Variants in DOK7 observed in about 807,000 individuals in gnomAD.
DOK7 encodes the protein docking protein 7.
Under a neutral mutation model 30.7 loss-of-function variants are expected in DOK7, and 32 were observed. That is an observed-to-expected ratio of 1.04 (90% CI 0.79 to 1.40). The LOEUF (loss-of-function observed/expected upper bound fraction) is 1.40. DOK7 is among the 40% of genes most tolerant of loss of function. The probability of loss-of-function intolerance (pLI) is 0.00; values close to 1 mark genes in which losing one functional copy is unlikely to be tolerated. For missense variants in DOK7, 1,007 were observed against 699.2 expected, an observed-to-expected ratio of 1.44 and a Z score of -4.97; for synonymous variants, 447 against 324.1, an observed-to-expected ratio of 1.38 and a Z score of -4.07.
Position 3,493,189 on chromosome 4 carries a change from G to A in DOK7, c.1203G>A (p.Leu401=). The A allele has an allele frequency of 6.2e-7, 1 of 1,610,776 alleles. No homozygotes were observed. The highest frequency in any genetic ancestry group is 8.5e-7 in the Non-Finnish European group (1 of 1,179,284). The change falls in exon 7 of 7, where the codon CTG becomes CTA. Residue 401 remains leucine, a synonymous_variant. Coordinates refer to ENST00000340083, the MANE Select transcript of DOK7 (RefSeq NM_173660.5). ...GTVEYQVPTS[L]RAHYDTPRSL... Reference sequence around the variant, plus strand: ...TCGAGTACCAGGTGCCCACCTCCCTGCGGGCCCACTATGACACACCACGCA... The same window carrying A: ...TCGAGTACCAGGTGCCCACCTCCCTACGGGCCCACTATGACACACCACGCA...
chr4:3,474,191 G>A (rs1413411476), intron 3 of DOK7, among the ~76,000 whole-genome samples: 1 of 152,196 alleles, frequency 6.6e-6, no homozygotes, highest in Non-Finnish European at 1.5e-5. Context: ...GGGGCTGTGA[G>A]CAGAGGTGGG....
At chr4:3,473,361 G>T in intron 2 of DOK7, 45 bp from the exon 3 acceptor site, 2 of 1,595,014 alleles carry the variant, frequency 1.3e-6, no homozygotes, top group Non-Finnish European at 1.7e-6. Flanking sequence ...AAGGGTGCGG[G>T]CAGGCGGTGT....
Position 3,493,787 on chromosome 4 carries a change from C to G in DOK7, c.*286C>G, listed in dbSNP as rs1043344313. 63 of 1,364,974 alleles carry G rather than the reference C, an allele frequency of 4.6e-5. 1 individual carries two copies. Among genetic ancestry groups the G allele is most frequent in the Non-Finnish European group, 5.8e-5 (61 of 1,060,080 alleles). 84.6% of individuals were successfully genotyped at this position (1,364,974 alleles called of 1,614,324 possible). The stretch of plus-strand genomic sequence containing the variant: ...CTCCGTGTCCCCCACCCCTGAGGAT[C>G]AGGTGAGTGCTGCACCTCTGTTGGC... On this transcript the variant is annotated 3_prime_UTR_variant, in exon 7 of 7. Coordinates refer to ENST00000340083, the MANE Select transcript of DOK7 (RefSeq NM_173660.5).
chr4:3,489,466 A>T (rs1728030323), intron 5 of DOK7, among the ~76,000 whole-genome samples: 1 of 152,158 alleles, frequency 6.6e-6, no homozygotes, highest in Non-Finnish European at 1.5e-5. Flanking sequence ...ACAGGGACCC[A>T]GCTGGGCGCA....
chr4:3,465,363 C>T (rs1303485145), intron 2 of DOK7, among the ~76,000 whole-genome samples: 2 of 152,214 alleles, frequency 1.3e-5, no homozygotes, highest in Non-Finnish European at 2.9e-5. Context: ...TGCCTTCCCG[C>T]TCAGCGCTGG....
At chr4:3,477,242 C>A (rs1208080454) in intron 4 of DOK7, among the ~76,000 whole-genome samples, 1 of 152,268 alleles carries the variant, frequency 6.6e-6, no homozygotes, top group South Asian at 2.1e-4. Context: ...ACCTGCAGTC[C>A]CCGCGGAGGG....
chr4:3,492,384 C>G lies in DOK7; in HGVS notation c.773-375C>G, dbSNP rs535895740. Among the ~76,000 whole-genome samples the G allele has an allele frequency of 7.9e-5, 12 of 151,858 alleles. No homozygotes were observed. The East Asian group carries it at 2.3e-3, about 30-fold the overall frequency. On this transcript the variant is annotated intron_variant, in intron 6 of 6. Coordinates refer to ENST00000340083, the MANE Select transcript of DOK7 (RefSeq NM_173660.5). ...CGTGATGGTGCGGAGGGCAAGCTGC[C>G]CCAGGTGGCCCTGGAAGGTAGTCGG...
chr4:3,468,329 AGTGT>A (rs144576590), intron 2 of DOK7, among the ~76,000 whole-genome samples: 9 of 146,346 alleles, frequency 6.1e-5, no homozygotes, highest in African/African-American at 2.2e-4. Flanking sequence ...TGTGTGTGCG[AGTGT>A]GTGTGAGCTC....
chr4:3,484,851 G>C, intron 4 of DOK7: 2 of 985,482 alleles, frequency 2.0e-6, no homozygotes, highest in Non-Finnish European at 2.4e-6. Flanking sequence ...CAGGTGCCGT[G>C]CCACACCTTT....
At chr4:3,491,415 T>TTCCTGCTCACCCCAGC (rs1560229531) in intron 6 of DOK7, among the ~76,000 whole-genome samples, 1 of 144,018 alleles carries the variant, frequency 6.9e-6, no homozygotes. Flanking sequence ...AGCTTCCTTC[T>TTCCTGCTCACCCCAGC]TTCCTTCTTC....
intron 2 of DOK7, 107 bp downstream of exon 2, chr4:3,463,658 G>C (rs953463337): frequency 1.4e-6 from 2 of 1,403,778 alleles, no homozygotes; most frequent in African/African-American, 2.9e-5. Context: ...CTGTCACCCC[G>C]CCGGGAAACC....
At chr4:3,473,761 G>T in intron 3 of DOK7, 125 bp downstream of exon 3, 1 of 919,328 alleles carries the variant, frequency 1.1e-6, no homozygotes, top group East Asian at 2.7e-5. Context: ...GGACATTCAT[G>T]GGTGCCTTAG....
chr4:3,492,147 G>GGGCCT (rs111364274), intron 6 of DOK7, among the ~76,000 whole-genome samples: 1 of 152,202 alleles, frequency 6.6e-6, no homozygotes, highest in Non-Finnish European at 1.5e-5. Context: ...AGCACGGGAG[G>GGGCCT]GGCCTGGCCT....
intron 6 of DOK7, among the ~76,000 whole-genome samples, chr4:3,491,829 G>T (rs1728484120): frequency 1.3e-5 from 2 of 152,256 alleles, no homozygotes; most frequent in Admixed American, 1.3e-4. Context: ...GGTGGAAGGG[G>T]CTGGCAGAGC....
downstream of DOK7, among the ~76,000 whole-genome samples, chr4:3,496,068 C>T (rs2239742): frequency 0.2 from 30,357 of 152,102 alleles, 3,693 homozygotes; most frequent in East Asian, 0.51. Flanking sequence ...TGCCGGCTGC[C>T]GGAACCCATG....
At chr4:3,496,550 C>A (rs772453721), downstream of DOK7, among the ~76,000 whole-genome samples, 1 of 152,232 alleles carries the variant, frequency 6.6e-6, no homozygotes, top group East Asian at 1.9e-4. Flanking sequence ...CCCCAGATGC[C>A]GAGGCCTCCA....
At chr4:3,495,533 G>A (rs994212365), downstream of DOK7, among the ~76,000 whole-genome samples, 2 of 152,248 alleles carry the variant, frequency 1.3e-5, no homozygotes, top group East Asian at 3.9e-4. Context: ...CACGATGCTC[G>A]TGAGTGGGCC....
intron 3 of DOK7, among the ~76,000 whole-genome samples, chr4:3,475,365 G>A (rs1008157837): frequency 1.3e-5 from 2 of 152,272 alleles, no homozygotes; most frequent in African/African-American, 4.8e-5. Context: ...GCTTGGAGCA[G>A]GTAGAGGAGG....
chr4:3,491,437 C>T (rs1728433481), intron 6 of DOK7, among the ~76,000 whole-genome samples: 1 of 148,200 alleles, frequency 6.7e-6, no homozygotes, highest in Non-Finnish European at 1.5e-5. Flanking sequence ...CCTGCTCATT[C>T]ATTTCTTTCT....
Sources: allele counts gnomAD v4.1 joint callset (sites outside exome capture counted in the v4.1 genomes callset), GRCh38; gene constraint gnomAD v4.1.1; transcripts MANE v1.5; gene names NCBI Gene and HGNC (gene_info 2026-07-23, HGNC 2026-07-21).